Variants in ANKRD44 observed in about 807,000 individuals in gnomAD.
The protein encoded by ANKRD44 is ankyrin repeat domain 44.
In ANKRD44, 35 loss-of-function variants were observed where a neutral mutation model predicts 116.0. The ratio of observed to expected loss-of-function variants is 0.30; its 90% confidence interval spans 0.23 to 0.40. The LOEUF (loss-of-function observed/expected upper bound fraction) is 0.40. ANKRD44 is among the 10% of genes least tolerant of loss of function. The pLI is 1.00. For synonymous variants in ANKRD44, 435 were observed against 461.8 expected, an observed-to-expected ratio of 0.94 and a Z score of 0.74; for missense variants, 1,014 against 1,242.6, an observed-to-expected ratio of 0.82 and a Z score of 2.77.
chr2:197,197,789 G>A (rs1176601153), intron 1 of ANKRD44, among the ~76,000 whole-genome samples: 1 of 130,888 alleles, frequency 7.6e-6, no homozygotes, highest in Admixed American at 8.8e-5. Context: ...CAGCCTGGGT[G>A]ACAGAGTGAA....
intron 19 of ANKRD44, among the ~76,000 whole-genome samples, chr2:197,008,331 C>G (rs1210287199): frequency 6.6e-6 from 1 of 152,250 alleles, no homozygotes; most frequent in East Asian, 1.9e-4. Context: ...TTCATTTACA[C>G]AAAGCTTCTT....
chr2:197,125,518 G>T (rs2078955826), intron 5 of ANKRD44, 50 bp from the exon 6 acceptor site: 1 of 1,510,200 alleles, frequency 6.6e-7, no homozygotes, highest in African/African-American at 1.4e-5. Flanking sequence ...TAATGGTGAG[G>T]CCTCCTCACT....
intron 1 of ANKRD44, among the ~76,000 whole-genome samples, chr2:197,298,751 T>A (rs2083801966): frequency 1.3e-5 from 2 of 152,058 alleles, no homozygotes; most frequent in African/African-American, 4.8e-5. Flanking sequence ...AACTCATCTC[T>A]ACTAAAAATA....
Position 197,266,266 on chromosome 2 carries a change from G to T in ANKRD44, c.27+44312C>A, listed in dbSNP as rs530727651. On this transcript the variant is annotated intron_variant, in intron 1 of 27. Coordinates refer to ENST00000282272, the MANE Select transcript of ANKRD44 (RefSeq NM_001195144.2). ...TTTCTGATTAAGGACCAAAATAAAAGCTCAGTAGCTACTTCATTTTGATAA... is the reference window on the plus strand; with the variant it reads ...TTTCTGATTAAGGACCAAAATAAAATCTCAGTAGCTACTTCATTTTGATAA... Among the ~76,000 whole-genome samples the T allele has an allele frequency of 5.9e-5, 9 of 151,946 alleles. No homozygotes were observed. In the East Asian group the frequency reaches 1.7e-3, roughly 29 times the overall value.
At chr2:197,265,952 C>T (rs2082730527) in intron 1 of ANKRD44, among the ~76,000 whole-genome samples, 1 of 151,990 alleles carries the variant, frequency 6.6e-6, no homozygotes, top group Admixed American at 6.6e-5. Context: ...CCTCCAAGGG[C>T]TAAAATGTAA....
chr2:197,120,971 C>G (rs144552246), intron 8 of ANKRD44, among the ~76,000 whole-genome samples: 2 of 151,244 alleles, frequency 1.3e-5, no homozygotes, highest in South Asian at 4.2e-4. Flanking sequence ...GCTCTGTTGC[C>G]CAGGTTAGAG....
intron 1 of ANKRD44, chr2:197,197,907 G>C (rs547969966): frequency 1.3e-5 from 2 of 152,050 alleles, no homozygotes; most frequent in Admixed American, 1.3e-4. Flanking sequence ...TCTCTCCCTT[G>C]ATGAGGTTAC....
rs550755404 is a variant in ANKRD44, at chr2:197,112,659, A to G, written c.907-1815T>C. Among the ~76,000 whole-genome samples the G allele has an allele frequency of 2.1e-3, 311 of 151,214 alleles. 5 individuals carry two copies. Among genetic ancestry groups the G allele is most frequent in the Admixed American group, 0.016 (247 of 15,182 alleles). Reference sequence around the variant, plus strand: ...GGAGGCGGAGTTTGCAGTGAGCCGAAATCGTGCCACTGCACTCCAGCCTGG... The same window carrying G: ...GGAGGCGGAGTTTGCAGTGAGCCGAGATCGTGCCACTGCACTCCAGCCTGG... On this transcript the variant is annotated intron_variant, in intron 8 of 27. Coordinates refer to ENST00000282272, the MANE Select transcript of ANKRD44 (RefSeq NM_001195144.2).
chr2:197,161,407 C>G (rs1167553657), intron 2 of ANKRD44, among the ~76,000 whole-genome samples: 1 of 152,050 alleles, frequency 6.6e-6, no homozygotes, highest in Non-Finnish European at 1.5e-5. Flanking sequence ...TTTAAAGCAA[C>G]TTTAAATTGC....
intron 23 of ANKRD44, among the ~76,000 whole-genome samples, 175 bp from the exon 24 acceptor site, chr2:196,999,227 A>T (rs746891792): frequency 3.3e-5 from 5 of 152,008 alleles, no homozygotes; most frequent in Non-Finnish European, 7.4e-5. Flanking sequence ...CTGAAATATC[A>T]CCTATGGGAC....
At chr2:197,236,707 A>G (rs2081985840) in intron 1 of ANKRD44, among the ~76,000 whole-genome samples, 1 of 134,300 alleles carries the variant, frequency 7.4e-6, no homozygotes, top group East Asian at 2.0e-4. Flanking sequence ...CCTGCAACAA[A>G]CTACTCAAAA....
At chr2:197,025,996 C>G (rs1574301418) in intron 16 of ANKRD44, among the ~76,000 whole-genome samples, 1 of 142,258 alleles carries the variant, frequency 7.0e-6, no homozygotes. Context: ...TTGTTAAAAC[C>G]TTTCTGGTTC....
chr2:197,000,721 G>C (rs1157169272), intron 22 of ANKRD44, among the ~76,000 whole-genome samples: 1 of 152,176 alleles, frequency 6.6e-6, no homozygotes, highest in Non-Finnish European at 1.5e-5. Flanking sequence ...CTTATGCAAG[G>C]CACCATGTTA....
At chr2:196,981,106 G>A (rs1223326651) in intron 21 of ANKRD44, among the ~76,000 whole-genome samples, 1 of 151,618 alleles carries the variant, frequency 6.6e-6, no homozygotes, top group Non-Finnish European at 1.5e-5. Flanking sequence ...TCTTTACTTT[G>A]GGCACTCCAC....
chr2:197,211,224 T>C (rs1229603382), intron 1 of ANKRD44, among the ~76,000 whole-genome samples: 1 of 152,104 alleles, frequency 6.6e-6, no homozygotes, highest in African/African-American at 2.4e-5. Flanking sequence ...AGGGAAGGCA[T>C]AGTTCCTGCC....
chr2:197,095,087 A>G (rs976565034), intron 10 of ANKRD44, among the ~76,000 whole-genome samples: 4 of 152,216 alleles, frequency 2.6e-5, no homozygotes, highest in Non-Finnish European at 5.9e-5. Flanking sequence ...TAATCAGTGC[A>G]TCTCCGAAGT....
At chr2:197,124,143 C>G (rs1001750884) in intron 6 of ANKRD44, among the ~76,000 whole-genome samples, 1 of 152,132 alleles carries the variant, frequency 6.6e-6, no homozygotes, top group African/African-American at 2.4e-5. Context: ...ATGCTTCAGC[C>G]AACTCAAAAA....
intron 2 of ANKRD44, among the ~76,000 whole-genome samples, chr2:197,170,914 C>A (rs1252281011): frequency 1.3e-5 from 2 of 152,134 alleles, no homozygotes; most frequent in East Asian, 3.8e-4. Context: ...GGTGGAGATT[C>A]CCTGATGATG....
intron 1 of ANKRD44, among the ~76,000 whole-genome samples, chr2:197,217,998 T>C (rs1455161966): frequency 6.6e-5 from 10 of 152,120 alleles, no homozygotes; most frequent in Non-Finnish European, 1.5e-4. Flanking sequence ...AGATGGGCAA[T>C]AGTGCTAGTA....
Sources: gnomAD v4.1 joint callset for allele counts (sites outside exome capture counted in the v4.1 genomes callset) on GRCh38, gnomAD v4.1.1 for gene constraint, MANE v1.5 for transcripts, NCBI Gene and HGNC (gene_info 2026-07-23, HGNC 2026-07-21) for gene names.